NF1: variants seen among roughly 807,000 people sequenced by gnomAD.
NF1 encodes neurofibromin.
A neutral mutation model predicts 325.7 loss-of-function variants in NF1; 122 were observed. That is an observed-to-expected ratio of 0.37 (90% confidence interval 0.32 to 0.44). The LOEUF (loss-of-function observed/expected upper bound fraction) is 0.44. Among genes scored for constraint, NF1 ranks in the 20% least tolerant of loss-of-function variants. The pLI is 1.00. For missense variants in NF1, 2,140 were observed against 3,415.4 expected (o/e 0.63, Z 9.31); for synonymous variants, 1,091 against 1,186.0 (o/e 0.92, Z 1.65).
At chr17:31,124,339 A>G (rs1446099541) in intron 1 of NF1, among the ~76,000 whole-genome samples, 5 of 151,912 alleles carry the variant, frequency 3.3e-5, no homozygotes, top group South Asian at 2.1e-4. Flanking sequence ...TGCTGGGATT[A>G]TAAGTGTGAA....
At chr17:31,182,926 A>G (rs998118529) in intron 8 of NF1, 6 of 599,022 alleles carry the variant, frequency 1.0e-5, no homozygotes, top group African/African-American at 9.3e-5. Flanking sequence ...GAGAAGACTA[A>G]ACGATACCTC....
At chr17:31,313,723 T>C (rs967340509) in intron 36 of NF1, among the ~76,000 whole-genome samples, 1 of 16,202 alleles carries the variant, frequency 6.2e-5, no homozygotes, top group South Asian at 2.3e-3. Flanking sequence ...AAAAAAAATA[T>C]GTGTGTGTGT....
At chr17:31,236,115 C>T (rs907286265) in intron 29 of NF1, 94 bp downstream of exon 29, 7 of 847,558 alleles carry the variant, frequency 8.3e-6, no homozygotes, top group Admixed American at 4.4e-5. Context: ...GCACCTTCTC[C>T]CCTTGATCAT....
intron 1 of NF1, among the ~76,000 whole-genome samples, chr17:31,095,891 C>G (rs538060830): frequency 2.0e-5 from 3 of 152,130 alleles, no homozygotes; most frequent in Admixed American, 2.0e-4. Context: ...CTTCAGCTTC[C>G]TCTCCTGGAG....
Position 31,336,572 on chromosome 17 carries a change from T to C in NF1, c.6148-63T>C. 6.3e-7 allele frequency: 1 copy of C among 1,583,654 alleles called. No homozygotes were observed. The highest frequency in any genetic ancestry group is 8.6e-7 in the Non-Finnish European group (1 of 1,163,912). ...TACTTTTAAATTAAACTGAACTTTT[T>C]TGTGCTAAAACTTTGAGTCCCATGT... On this transcript the variant is annotated intron_variant, in intron 41 of 57. Coordinates refer to ENST00000358273, the MANE Select transcript of NF1 (RefSeq NM_001042492.3). This position sits in a 1 kb window ranked among gnomAD's most constrained non-coding sequence, Gnocchi z 5.5.
chr17:31,250,058 A>G (rs1488566640), intron 30 of NF1: 15 of 489,304 alleles, frequency 3.1e-5, no homozygotes, highest in South Asian at 2.2e-4. Context: ...AGGCTGCTCT[A>G]TGTGAATTTT....
In NF1 at chr17:31,374,190, C is replaced by G. The variant is rs368343308; in HGVS notation, c.*35C>G. On this transcript the variant is annotated 3_prime_UTR_variant, in exon 58 of 58. Transcript: ENST00000358273. Reference sequence around the variant, plus strand: ...GCTTTCTTTTTTAAAATCAACTTAACATGGGCTCTTCACTAGTGACCCCTT... The same window carrying G: ...GCTTTCTTTTTTAAAATCAACTTAAGATGGGCTCTTCACTAGTGACCCCTT... The G allele has an allele frequency of 1.0e-4, 163 of 1,613,644 alleles. 1 individual carries two copies. In the African/African-American group the frequency reaches 2.0e-3, roughly 19 times the overall value.
At chr17:31,175,548 T>G (rs1282323917) in intron 5 of NF1, among the ~76,000 whole-genome samples, 2 of 152,102 alleles carry the variant, frequency 1.3e-5, no homozygotes, top group Non-Finnish European at 2.9e-5. Context: ...TAATTATACT[T>G]TAAGTTCTGG....
chr17:31,263,003 T>G (rs1388370545), intron 35 of NF1, among the ~76,000 whole-genome samples: 3 of 150,610 alleles, frequency 2.0e-5, no homozygotes, highest in Admixed American at 6.6e-5. Flanking sequence ...GGCAACATAG[T>G]GAGACCTTGT....
intron 56 of NF1, 37 bp downstream of exon 56, chr17:31,359,052 TGAA>T (rs2070342121): frequency 1.3e-6 from 2 of 1,569,472 alleles, no homozygotes; most frequent in African/African-American, 2.7e-5. Flanking sequence ...TTTGGCAAAA[TGAA>T]GGTTTCTGTT....
At chr17:31,189,918 C>T (rs1463674572) in intron 8 of NF1, among the ~76,000 whole-genome samples, 7 of 151,528 alleles carry the variant, frequency 4.6e-5, no homozygotes, top group African/African-American at 1.5e-4. Flanking sequence ...TGCGCCACCA[C>T]GCCCGGCTAA....
intron 13 of NF1, among the ~76,000 whole-genome samples, chr17:31,215,466 C>T (rs2066804402): frequency 6.6e-6 from 1 of 152,190 alleles, no homozygotes; most frequent in Non-Finnish European, 1.5e-5. Flanking sequence ...ACTATTTAAT[C>T]TTTCTATGCC....
chr17:31,206,911 A>C (rs2066634526), intron 12 of NF1, among the ~76,000 whole-genome samples: 1 of 152,206 alleles, frequency 6.6e-6, no homozygotes, highest in Admixed American at 6.5e-5. Context: ...ATTTGACTCT[A>C]AACTTAATAA....
chr17:31,233,056 C>T lies in NF1; in HGVS notation c.3551C>T (p.Thr1184Ile). Residue 1184 changes from threonine to isoleucine, a missense_variant, in exon 27 of 58, where the codon ACA (threonine) becomes ATA (isoleucine). Around this residue, in one of 10 missense-constraint regions of NF1, gnomAD observed 336 missense variants for 399.0 expected, o/e 0.84. Coordinates refer to ENST00000358273, the MANE Select transcript of NF1 (RefSeq NM_001042492.3). The stretch of plus-strand genomic sequence containing the variant: ...AGAGCTACATTTATGGAAGTTCTGA[C>T]AAAAATCCTTCAACAAGGCACAGAA... Reference protein sequence around the residue: ...QTRATFMEVLTKILQQGTEFD... With the variant: ...QTRATFMEVLIKILQQGTEFD... The T allele has an allele frequency of 6.2e-7, 1 of 1,614,168 alleles. No individual in the cohort carries two copies. Among genetic ancestry groups the T allele is most frequent in the Non-Finnish European group, 8.5e-7 (1 of 1,180,026 alleles).
intron 36 of NF1, among the ~76,000 whole-genome samples, chr17:31,267,103 G>C (rs1197706865): frequency 1.3e-5 from 2 of 151,924 alleles, no homozygotes; most frequent in East Asian, 1.9e-4. Flanking sequence ...GGCTGATTTT[G>C]TATTTTTAGT....
intron 36 of NF1, among the ~76,000 whole-genome samples, chr17:31,302,908 G>A (rs1256090765): frequency 6.6e-6 from 1 of 152,086 alleles, no homozygotes; most frequent in African/African-American, 2.4e-5. Flanking sequence ...GACAAAAGAT[G>A]TAATATGACA....
Position 31,325,962 on chromosome 17 carries a change from T to C in NF1, c.4978T>C (p.Ser1660Pro), listed in dbSNP as rs2151537970. ...PSNRFKTDFL[S>P]KWFVVFPGFA... ...CAATCGCTTTAAAACAGACTTTCTC[T>C]CTAAGTGGTTTGTTGTTTTTCCTGG... Residue 1660 changes from serine (S) to proline (P), a missense_variant, in exon 37 of 58, where the codon TCT becomes CCT. By Grantham distance (74) the Ser-to-Pro change is moderately conservative (BLOSUM62 -1). Transcript: ENST00000358273. 6.2e-7 allele frequency: 1 copy of C among 1,614,204 alleles called. No homozygotes were observed. The highest frequency in any genetic ancestry group is 8.5e-7 in the Non-Finnish European group (1 of 1,180,040).
chr17:31,229,440 G>A lies in NF1; in HGVS notation c.2825G>A (p.Ser942Asn), dbSNP rs1555614350. 6.2e-7 allele frequency: 1 copy of A among 1,613,700 alleles called. No individual in the cohort carries two copies. Among genetic ancestry groups the A allele is most frequent in the Admixed American group, 1.7e-5 (1 of 59,990 alleles). Residue 942 changes from serine to asparagine, a missense_variant, in exon 21 of 58, where the codon AGC becomes AAC. Physicochemically the swap from Ser to Asn is conservative, Grantham distance 46. Around this residue, in one of 10 missense-constraint regions of NF1, gnomAD observed 380 missense variants for 639.3 expected, o/e 0.59. Transcript: ENST00000358273. ...MLFNKLKNTI[S>N]KFFDSQGQVL... ...TTTAACAAATTGAAGAATACCATCA[G>A]CAAGTTTTTTGACTCCCAAGGACAG...
rs1245095693 is a variant in NF1, at chr17:31,327,720, C to T, written c.5490C>T (p.Arg1830=). ...IVQSIIHIRT[R]WELSQPDSIP... Reference sequence around the variant, plus strand: ...AGTCTATCATTCATATCCGGACCCGCTGGGAACTGTCACAGCCCGACTCTA... The same window carrying T: ...AGTCTATCATTCATATCCGGACCCGTTGGGAACTGTCACAGCCCGACTCTA... Residue 1830 remains arginine (R), a synonymous_variant, in exon 38 of 58, where the codon CGC becomes CGT. Transcript: ENST00000358273. 1 of 1,614,018 alleles carries T rather than the reference C, an allele frequency of 6.2e-7. No homozygotes were observed. The highest frequency in any genetic ancestry group is 1.7e-5 in the Admixed American group (1 of 59,996).
Sources: gnomAD v4.1 joint callset for allele counts (sites outside exome capture counted in the v4.1 genomes callset) on GRCh38, gnomAD v4.1.1 for gene constraint, gnomAD v4.1.1 regional missense constraint, Gnocchi (gnomAD v3.1) non-coding constraint, MANE v1.5 for transcripts, NCBI Gene and HGNC (gene_info 2026-07-23, HGNC 2026-07-21) for gene names.